Variants in WDR49 observed in about 807,000 individuals in gnomAD.
The protein encoded by WDR49 is WD repeat domain 49, also known as cilia- and flagella-associated protein 337.
Under a neutral mutation model 119.5 loss-of-function variants are expected in WDR49, and 107 were observed. The ratio of observed to expected loss-of-function variants is 0.90; its 90% CI spans 0.77 to 1.05. WDR49 has a LOEUF of 1.05. WDR49 is among the 50% of genes least tolerant of loss of function. WDR49 has a pLI of 0.00. For missense variants in WDR49, 1,240 were observed against 1,220.5 expected (o/e 1.02, Z -0.24); for synonymous variants, 425 against 418.8 (o/e 1.01, Z -0.18).
intron 5 of WDR49, among the ~76,000 whole-genome samples, chr3:167,617,629 CGGA>C (rs1716665024): frequency 6.6e-6 from 1 of 152,052 alleles, no homozygotes; most frequent in Admixed American, 6.5e-5. Context: ...AATCCTCCTC[CGGA>C]GGAGAAGATG....
chr3:167,562,304 G>C (rs1325824674), intron 8 of WDR49, among the ~76,000 whole-genome samples: 1 of 152,134 alleles, frequency 6.6e-6, no homozygotes, highest in Admixed American at 6.5e-5. Context: ...GACTAGTCCA[G>C]GTAAGAGATT....
chr3:167,557,908 C>T (rs1002215811), intron 9 of WDR49, among the ~76,000 whole-genome samples: 9 of 151,878 alleles, frequency 5.9e-5, no homozygotes, highest in Non-Finnish European at 1.0e-4. Flanking sequence ...AGTCAATATC[C>T]AAGACAGAAA....
intron 3 of WDR49, among the ~76,000 whole-genome samples, chr3:167,625,780 A>G (rs114221169): frequency 2.1e-3 from 315 of 152,160 alleles, no homozygotes; most frequent in African/African-American, 7.2e-3. Flanking sequence ...TTGACCACCA[A>G]TTCACTAGAA....
At chr3:167,580,653 T>A (rs1312801783) in intron 7 of WDR49, among the ~76,000 whole-genome samples, 3 of 152,190 alleles carry the variant, frequency 2.0e-5, no homozygotes, top group African/African-American at 7.2e-5. Flanking sequence ...CCTTCTTTTT[T>A]ATTCAGTCTA....
Position 167,510,723 on chromosome 3 carries a change from A to G in WDR49, c.2775-5307T>C, listed in dbSNP as rs1175281633. On this transcript the variant is annotated intron_variant, in intron 16 of 18. Coordinates refer to ENST00000682715, the MANE Select transcript of WDR49 (RefSeq NM_001366157.1). ...TACACCCCAATTTTTTAACCTGGAA[A>G]GAGACTCTTAGGTGTTAAAATGAGA... Among the ~76,000 whole-genome samples, 4 of 152,146 alleles carry G rather than the reference A, an allele frequency of 2.6e-5. No individual in the cohort carries two copies. The South Asian group carries it at 8.3e-4, about 32-fold the overall frequency.
intron 18 of WDR49, among the ~76,000 whole-genome samples, chr3:167,482,546 G>A (rs867875892): frequency 2.0e-5 from 3 of 151,752 alleles, no homozygotes; most frequent in Non-Finnish European, 4.4e-5. Context: ...GGGCCTGGTG[G>A]TGGGCGCCTG....
At chr3:167,542,753 AC>A in intron 10 of WDR49, among the ~76,000 whole-genome samples, 1 of 152,160 alleles carries the variant, frequency 6.6e-6, no homozygotes, top group South Asian at 2.1e-4. Flanking sequence ...AAAAAAACAA[AC>A]CCAAACCCAG....
chr3:167,528,926 T>C, intron 14 of WDR49, 126 bp downstream of exon 14: 1 of 618,458 alleles, frequency 1.6e-6, no homozygotes, highest in East Asian at 3.3e-5. Context: ...AAATGTTTTA[T>C]TTAAAACACT....
intron 18 of WDR49, among the ~76,000 whole-genome samples, chr3:167,491,415 C>G (rs1751128260): frequency 6.6e-6 from 1 of 152,042 alleles, no homozygotes; most frequent in African/African-American, 2.4e-5. Context: ...ATTCCAGGAC[C>G]CTCTCTTTCC....
chr3:167,542,742 GA>G (rs1711920282), intron 10 of WDR49, among the ~76,000 whole-genome samples: 1 of 150,824 alleles, frequency 6.6e-6, no homozygotes, highest in African/African-American at 2.4e-5. Flanking sequence ...AGAGAAACAA[GA>G]AAAAAACAAA....
chr3:167,632,722 A>G (rs1346175823), intron 2 of WDR49, among the ~76,000 whole-genome samples: 1 of 152,070 alleles, frequency 6.6e-6, no homozygotes, highest in Non-Finnish European at 1.5e-5. Context: ...TTTACCACAC[A>G]ATTAATTCTT....
intron 9 of WDR49, among the ~76,000 whole-genome samples, chr3:167,559,632 T>C (rs1175621678): frequency 6.6e-6 from 1 of 152,228 alleles, no homozygotes. Context: ...CTTTTAAATA[T>C]TTATTTCTTG....
chr3:167,501,613 C>T (rs1245091912), intron 17 of WDR49, among the ~76,000 whole-genome samples: 1 of 152,180 alleles, frequency 6.6e-6, no homozygotes, highest in African/African-American at 2.4e-5. Context: ...GAAAGTGTGA[C>T]ATTCCCTTGG....
intron 18 of WDR49, among the ~76,000 whole-genome samples, chr3:167,499,374 G>C (rs1238999107): frequency 6.6e-6 from 1 of 152,166 alleles, no homozygotes; most frequent in Non-Finnish European, 1.5e-5. Context: ...ACAGATCTCA[G>C]ATAGCTTCAT....
intron 2 of WDR49, 135 bp downstream of exon 2, chr3:167,653,126 A>G (rs927742047): frequency 2.9e-6 from 3 of 1,038,764 alleles, no homozygotes; most frequent in African/African-American, 1.6e-5. Context: ...ATCCAGGCCT[A>G]ACCAATTATT....
At chr3:167,496,276 G>A (rs1448969811) in intron 18 of WDR49, among the ~76,000 whole-genome samples, 1 of 152,030 alleles carries the variant, frequency 6.6e-6, no homozygotes, top group African/African-American at 2.4e-5. Flanking sequence ...TAAATGCCGA[G>A]TCCTTAGCAT....
chr3:167,601,390 T>G (rs1192174290), intron 7 of WDR49, among the ~76,000 whole-genome samples: 1 of 152,212 alleles, frequency 6.6e-6, no homozygotes, highest in African/African-American at 2.4e-5. Flanking sequence ...ACTCAAAGAC[T>G]ATCTTCAATA....
intron 18 of WDR49, among the ~76,000 whole-genome samples, chr3:167,489,495 A>C (rs184265941): frequency 2.0e-5 from 3 of 152,240 alleles, no homozygotes; most frequent in Admixed American, 6.6e-5. Flanking sequence ...TGACATTTAT[A>C]CACTCATCAC....
At chr3:167,522,174 C>T in intron 16 of WDR49, 141 bp downstream of exon 16, 1 of 730,722 alleles carries the variant, frequency 1.4e-6, no homozygotes, top group Non-Finnish European at 2.1e-6. Flanking sequence ...TTCATACGCA[C>T]CTACCAATCC....
Sources: gnomAD v4.1 joint callset for allele counts (sites outside exome capture counted in the v4.1 genomes callset) on GRCh38, gnomAD v4.1.1 for gene constraint, MANE v1.5 for transcripts, NCBI Gene and HGNC (gene_info 2026-07-23, HGNC 2026-07-21) for gene names.